LRIG2: variants seen among roughly 807,000 people sequenced by gnomAD.
LRIG2 encodes leucine-rich repeats and immunoglobulin-like domains protein 2.
Under a neutral mutation model 107.8 loss-of-function variants are expected in LRIG2, and 93 were observed. The observed-to-expected ratio is 0.86, with a 90% confidence interval of 0.73 to 1.03. LRIG2 has a LOEUF of 1.03. LRIG2 is among the 50% of genes least tolerant of loss of function. The probability of loss-of-function intolerance (pLI) is 0.00; values close to 1 mark genes in which losing one functional copy is unlikely to be tolerated. For missense variants in LRIG2, 1,226 were observed against 1,296.0 expected (o/e 0.95, Z 0.83); for synonymous variants, 471 against 470.6 (o/e 1.00, Z -0.01).
chr1:113,122,431 C>T (rs1655303396), intron 17 of LRIG2, among the ~76,000 whole-genome samples: 1 of 152,062 alleles, frequency 6.6e-6, no homozygotes, highest in Non-Finnish European at 1.5e-5. Context: ...AGGTACAGGT[C>T]AGAGGAAAGC....
At chr1:113,077,182 T>C (rs1200592244) in intron 1 of LRIG2, among the ~76,000 whole-genome samples, 1 of 152,244 alleles carries the variant, frequency 6.6e-6, no homozygotes, top group South Asian at 2.1e-4. Context: ...TTTCTCACTT[T>C]CGCCCAGGCT....
In LRIG2 at chr1:113,073,658, G is replaced by T. The variant is rs751876076; in HGVS notation, c.239+13G>T. On this transcript the variant is annotated intron_variant, in intron 1 of 17. Transcript: ENST00000361127. The stretch of plus-strand genomic sequence containing the variant: ...ACACCGCTATCCTGTGAGTAGAGCG[G>T]CCAGGCAGAGTGACCAAAAGGAGGG... 8 of 1,602,398 alleles carry T rather than the reference G, an allele frequency of 5.0e-6. No homozygotes were observed. Among genetic ancestry groups the T allele is most frequent in the Non-Finnish European group, 1.7e-6 (2 of 1,173,966 alleles).
chr1:113,089,994 CTT>C (rs531111261), intron 1 of LRIG2, among the ~76,000 whole-genome samples: 2 of 143,606 alleles, frequency 1.4e-5, no homozygotes, highest in African/African-American at 2.5e-5. Context: ...TATGCCTGGC[CTT>C]TTTTTTTTTT....
At chr1:113,076,019 T>TA (rs1652967306) in intron 1 of LRIG2, among the ~76,000 whole-genome samples, 4 of 150,214 alleles carry the variant, frequency 2.7e-5, no homozygotes, top group South Asian at 4.2e-4. Context: ...TTTTTTTTTT[T>TA]ATTTAAGAGA....
chr1:113,128,932 G>C lies in LRIG2; in HGVS notation c.*4831G>C, dbSNP rs1358790137. On this transcript the variant is annotated 3_prime_UTR_variant, in exon 18 of 18. Transcript: ENST00000361127. ...ATAGATTTCCTGAATGGAATAGGTGGAATTAGGGCTAGGCTGCCAGAGACT... is the reference window on the plus strand; with the variant it reads ...ATAGATTTCCTGAATGGAATAGGTGCAATTAGGGCTAGGCTGCCAGAGACT... The C allele has an allele frequency of 1.3e-5, 2 of 152,160 alleles. No homozygotes were observed. The highest frequency in any genetic ancestry group is 2.4e-5 in the African/African-American group (1 of 41,424). The allele number at this position is 152,160 out of a possible 1,614,324, so 9.4% of individuals were successfully genotyped here.
chr1:113,116,095 C>T (rs1225785016), intron 15 of LRIG2, among the ~76,000 whole-genome samples, 192 bp from the exon 16 acceptor site: 1 of 152,114 alleles, frequency 6.6e-6, no homozygotes, highest in Non-Finnish European at 1.5e-5. Flanking sequence ...TTCAATGAAA[C>T]TTTTAAAGTG....
chr1:113,099,203 C>T lies in LRIG2; in HGVS notation c.1172+418C>T, dbSNP rs186544868. Among the ~76,000 whole-genome samples the T allele has an allele frequency of 4.7e-5, 7 of 148,784 alleles. No homozygotes were observed. In the East Asian group the frequency reaches 8.0e-4, roughly 17 times the overall value. On this transcript the variant is annotated intron_variant, in intron 9 of 17. Transcript: ENST00000361127. ...GCCTGCTTCAGCCTCCCAAAGTGCC[C>T]GGATTATAGGTATGAGCCACTGAAC...
At chr1:113,075,167 G>A (rs1159493225) in intron 1 of LRIG2, among the ~76,000 whole-genome samples, 1 of 151,558 alleles carries the variant, frequency 6.6e-6, no homozygotes, top group African/African-American at 2.4e-5. Context: ...AGCCGAGATC[G>A]TGCCATTGCA....
At chr1:113,095,291 G>A (rs1654007800) in intron 6 of LRIG2, among the ~76,000 whole-genome samples, 1 of 151,270 alleles carries the variant, frequency 6.6e-6, no homozygotes. Flanking sequence ...TATTCTTAAT[G>A]TTTTGGCTAA....
At chr1:113,099,229 T>C (rs1314112969) in intron 9 of LRIG2, among the ~76,000 whole-genome samples, 1 of 125,586 alleles carries the variant, frequency 8.0e-6, no homozygotes, top group Non-Finnish European at 1.7e-5. Flanking sequence ...GCCACTGAAC[T>C]TGGCTGGTTT....
rs1655585147 is a variant in LRIG2, at chr1:113,128,809, A to G, written c.*4708A>G. On this transcript the variant is annotated 3_prime_UTR_variant, in exon 18 of 18. Transcript: ENST00000361127. Reference sequence around the variant, plus strand: ...CACACTAGAATATCAGAATGAGTTGACAGGTATACCACAACTAATTTGTAA... The same window carrying G: ...CACACTAGAATATCAGAATGAGTTGGCAGGTATACCACAACTAATTTGTAA... The G allele has an allele frequency of 6.6e-6, 1 of 152,230 alleles. No individual in the cohort carries two copies. The highest frequency in any genetic ancestry group is 1.5e-5 in the Non-Finnish European group (1 of 68,046). The allele number at this position is 152,230 out of a possible 1,614,324, so 9.4% of individuals were successfully genotyped here.
At chr1:113,104,101 C>G (rs1654429308) in intron 11 of LRIG2, among the ~76,000 whole-genome samples, 1 of 152,154 alleles carries the variant, frequency 6.6e-6, no homozygotes, top group Admixed American at 6.6e-5. Context: ...CTTTATTGGC[C>G]TGTTTGGAAT....
At chr1:113,113,563 T>C (rs901404655) in intron 14 of LRIG2, among the ~76,000 whole-genome samples, 2 of 149,874 alleles carry the variant, frequency 1.3e-5, no homozygotes, top group African/African-American at 4.9e-5. Flanking sequence ...TTTATTTATT[T>C]ATTTATTTAT....
chr1:113,078,798 G>A (rs376908673), intron 1 of LRIG2, among the ~76,000 whole-genome samples: 5 of 151,450 alleles, frequency 3.3e-5, no homozygotes, highest in Non-Finnish European at 4.4e-5. Context: ...GCACCACCAC[G>A]CCCAGCTAAT....
chr1:113,111,626 C>T (rs1654779091), intron 13 of LRIG2, among the ~76,000 whole-genome samples: 1 of 152,160 alleles, frequency 6.6e-6, no homozygotes, highest in Middle Eastern at 3.2e-3. Context: ...ACTCTTCTTT[C>T]CTGCAAAAGC....
chr1:113,102,489 C>G (rs995314863), intron 11 of LRIG2, among the ~76,000 whole-genome samples: 1 of 151,908 alleles, frequency 6.6e-6, no homozygotes, highest in Non-Finnish European at 1.5e-5. Flanking sequence ...CCAGGATGGT[C>G]TCAATCTCCT....
At chr1:113,084,023 TA>T (rs1236257860) in intron 1 of LRIG2, among the ~76,000 whole-genome samples, 8 of 140,528 alleles carry the variant, frequency 5.7e-5, no homozygotes, top group South Asian at 2.4e-4. Flanking sequence ...ATAATAATAA[TA>T]ATAATAATAA....
chr1:113,110,393 G>A lies in LRIG2; in HGVS notation c.1629G>A (p.Val543=). Residue 543 remains valine (V), a synonymous_variant, in exon 13 of 18, where the codon GTG becomes GTA. Transcript: ENST00000361127. ...AAGACAGTGAAATCCTGTATGACGT[G>A]GATACTGAGAATTTTGTTCGTTATT... ...WRKDSEILYD[V]DTENFVRYWQ... The A allele has an allele frequency of 6.2e-7, 1 of 1,614,084 alleles. No homozygotes were observed.
chr1:113,116,588 C>A, intron 16 of LRIG2, 152 bp downstream of exon 16: 2 of 666,670 alleles, frequency 3.0e-6, no homozygotes, highest in Non-Finnish European at 4.9e-6. Flanking sequence ...TGAAAATTGA[C>A]TAAAGTCTTA....
Sources: gnomAD v4.1 joint callset for allele counts (sites outside exome capture counted in the v4.1 genomes callset) on GRCh38, gnomAD v4.1.1 for gene constraint, MANE v1.5 for transcripts, NCBI Gene and HGNC (gene_info 2026-07-23, HGNC 2026-07-21) for gene names.